The following SPA17 variants were observed in gnomAD, a reference collection of about 807,000 sequenced individuals.
SPA17 encodes the protein sperm autoantigenic protein 17, also known as sperm surface protein Sp17.
SPA17 carries 7 observed loss-of-function variants against 13.8 expected under a neutral mutation model. The ratio of observed to expected loss-of-function variants is 0.51; its 90% CI spans 0.29 to 0.95. The LOEUF (loss-of-function observed/expected upper bound fraction) is 0.95, where lower values mean the gene tolerates loss of function less well. SPA17 is among the 40% of genes least tolerant of loss of function. SPA17 has a pLI of 0.08. For synonymous variants in SPA17, 61 were observed against 59.0 expected, an observed-to-expected ratio of 1.03 and a Z score of -0.16; for missense variants, 170 against 179.3, an observed-to-expected ratio of 0.95 and a Z score of 0.30.
chr11:124,691,708 C>G lies in SPA17; in HGVS notation c.238C>G (p.Pro80Ala), dbSNP rs769846125. The change falls in exon 4 of 5, where the codon CCT becomes GCT. Residue 80 changes from proline (P) to alanine (A), a missense_variant. Physicochemically the swap from Pro to Ala is conservative, Grantham distance 27 (BLOSUM62 -1). Coordinates refer to ENST00000227135, the MANE Select transcript of SPA17 (RefSeq NM_017425.4). ...NNHAFEEQEPPEKSDPKQEES... is the reference protein window; with the variant it reads ...NNHAFEEQEPAEKSDPKQEES... The stretch of plus-strand genomic sequence containing the variant: ...CCTATCTGTCCAGGAGCAAGAACCA[C>G]CTGAGAAAAGTGATCCTAAACAAGA... The G allele has an allele frequency of 6.2e-7, 1 of 1,611,746 alleles. No homozygotes were observed. Among genetic ancestry groups the G allele is most frequent in the South Asian group, 1.1e-5 (1 of 90,734 alleles).
At chr11:124,677,623 A>G (rs1255463628) in intron 2 of SPA17, among the ~76,000 whole-genome samples, 1 of 152,208 alleles carries the variant, frequency 6.6e-6, no homozygotes, top group African/African-American at 2.4e-5. Flanking sequence ...TTCGGAAGCA[A>G]TTAGAGAAAA....
Position 124,681,430 on chromosome 11 carries a change from G to A in SPA17, c.196G>A (p.Asp66Asn), listed in dbSNP as rs139448076. 2.1e-5 allele frequency: 33 copies of A among 1,584,076 alleles called. No individual in the cohort carries two copies. In the African/African-American group the frequency reaches 3.9e-4, roughly 19 times the overall value. The change falls in exon 3 of 5, where the codon GAC becomes AAC. Residue 66 changes from aspartate (D) to asparagine (N), a missense_variant. By Grantham distance (23) the Asp-to-Asn change is conservative. Transcript: ENST00000227135. ...AGCAGAATGGGGGAGTAAGGTAGAA[G>A]ACCGCTTCTATAACAATCATGCATT... Reference protein sequence around the residue: ...DPAEWGSKVEDRFYNNHAFEE... With the variant: ...DPAEWGSKVENRFYNNHAFEE...
At chr11:124,676,605 T>C (rs1316407306) in intron 2 of SPA17, among the ~76,000 whole-genome samples, 2 of 152,260 alleles carry the variant, frequency 1.3e-5, no homozygotes, top group Non-Finnish European at 2.9e-5. Flanking sequence ...GTCTTTTCCA[T>C]ATCCGGTCAG....
chr11:124,685,094 A>T (rs766280809), intron 3 of SPA17, among the ~76,000 whole-genome samples: 4 of 152,266 alleles, frequency 2.6e-5, no homozygotes, highest in Non-Finnish European at 4.4e-5. Context: ...ACAATGGGGA[A>T]AATGTCTCCA....
chr11:124,691,752 G>C lies in SPA17; in HGVS notation c.282G>C (p.Gly94=), dbSNP rs772590909. ...AACAAGAAGAGTCTCAGATATCTGG[G>C]AAGGAGGAAGAGACATCAGTCACCA... ...DPKQEESQIS[G]KEEETSVTIL... Residue 94 remains glycine, a synonymous_variant, in exon 4 of 5, where the codon GGG becomes GGC. Transcript: ENST00000227135. The C allele has an allele frequency of 7.4e-6, 12 of 1,612,044 alleles. No individual in the cohort carries two copies. The highest frequency in any genetic ancestry group is 1.0e-5 in the Non-Finnish European group (12 of 1,179,148).
rs368169895 is a variant in SPA17 at position 124,696,165 on chromosome 11, C to T, written c.*1719C>T. ...ATCCCCCTTCCTCTCCTCCTTAACCCCTCTCCTCCAGGCTTACAGAGGAAA... is the reference window on the plus strand; with the variant it reads ...ATCCCCCTTCCTCTCCTCCTTAACCTCTCTCCTCCAGGCTTACAGAGGAAA... On this transcript the variant is annotated 3_prime_UTR_variant, in exon 5 of 5. Coordinates refer to ENST00000227135, the MANE Select transcript of SPA17 (RefSeq NM_017425.4). 4 of 152,264 alleles carry T rather than the reference C, an allele frequency of 2.6e-5. No homozygotes were observed. The highest frequency in any genetic ancestry group is 3.8e-4 in the East Asian group (2 of 5,196). The allele number at this position is 152,264 out of a possible 1,614,324, so 9.4% of individuals were successfully genotyped here. A position where few individuals can be genotyped will look rare whatever the true frequency, so the allele number is the denominator to read the frequency against.
Position 124,678,417 on chromosome 11 carries a change from C to T in SPA17, c.155-2972C>T, listed in dbSNP as rs1190140482. On this transcript the variant is annotated intron_variant, in intron 2 of 4. Transcript: ENST00000227135. The stretch of plus-strand genomic sequence containing the variant: ...ACTCCTGGGCTCAAGTGATGATCCT[C>T]CTGCCTCAGCCTCCCAAAGTGCTGG... 2.1e-4 allele frequency among the ~76,000 whole-genome samples: 32 copies of T among 151,946 alleles called. 1 individual carries two copies. Among genetic ancestry groups the T allele is most frequent in the Non-Finnish European group, 4.4e-5 (3 of 67,996 alleles).
intron 2 of SPA17, among the ~76,000 whole-genome samples, chr11:124,676,700 T>C (rs1943467711): frequency 1.3e-5 from 2 of 152,342 alleles, no homozygotes; most frequent in South Asian, 4.1e-4. Context: ...AGGAACGTTA[T>C]TAAGAGAAAT....
chr11:124,690,694 T>G (rs1023940025), intron 3 of SPA17, among the ~76,000 whole-genome samples: 4 of 152,170 alleles, frequency 2.6e-5, no homozygotes, highest in African/African-American at 9.7e-5. Context: ...TTTTAAGAGA[T>G]CACCAGAATA....
intron 3 of SPA17, among the ~76,000 whole-genome samples, chr11:124,685,985 T>A (rs1236542836): frequency 1.3e-5 from 2 of 152,060 alleles, no homozygotes; most frequent in Non-Finnish European, 2.9e-5. Context: ...GACTTTTGGG[T>A]TAATGCTGGA....
chr11:124,687,162 A>C (rs1215179815), intron 3 of SPA17, among the ~76,000 whole-genome samples: 1 of 152,122 alleles, frequency 6.6e-6, no homozygotes, highest in African/African-American at 2.4e-5. Flanking sequence ...ACAATTATAC[A>C]CTCACAAACT....
At chr11:124,692,128 C>T (rs1049891761) in intron 4 of SPA17, among the ~76,000 whole-genome samples, 1 of 152,176 alleles carries the variant, frequency 6.6e-6, no homozygotes, top group African/African-American at 2.4e-5. Context: ...GTGCTGTCAC[C>T]ACTACACAAT....
At chr11:124,692,319 G>A (rs956494877) in intron 4 of SPA17, among the ~76,000 whole-genome samples, 3 of 152,152 alleles carry the variant, frequency 2.0e-5, no homozygotes, top group Non-Finnish European at 4.4e-5. Context: ...GGTGGCTCAC[G>A]TCTGTAATCC....
At chr11:124,691,658 G>T in intron 3 of SPA17, 38 bp from the exon 4 acceptor site, 8 of 1,444,182 alleles carry the variant, frequency 5.5e-6, no homozygotes, top group Non-Finnish European at 7.6e-6. Flanking sequence ...TGCCATTTTG[G>T]AAACATTGCT....
chr11:124,692,953 T>C (rs1943637399), intron 4 of SPA17, among the ~76,000 whole-genome samples: 2 of 152,240 alleles, frequency 1.3e-5, no homozygotes, highest in Non-Finnish European at 2.9e-5. Context: ...GATGCATTGC[T>C]TTTCCCTATA....
chr11:124,691,681 C>T lies in SPA17; in HGVS notation c.226-15C>T. On this transcript the variant is annotated splice_polypyrimidine_tract_variant and intron_variant, in intron 3 of 4. Transcript: ENST00000227135. ...TGGAAACATTGCTAATTGTGGCTCTCTCCTATCTGTCCAGGAGCAAGAACC... is the reference window on the plus strand; with the variant it reads ...TGGAAACATTGCTAATTGTGGCTCTTTCCTATCTGTCCAGGAGCAAGAACC... 6.3e-7 allele frequency: 1 copy of T among 1,582,582 alleles called. No homozygotes were observed. Among genetic ancestry groups the T allele is most frequent in the Non-Finnish European group, 8.6e-7 (1 of 1,162,926 alleles).
At chr11:124,675,611 A>G (rs1591401664) in intron 2 of SPA17, 193 bp downstream of exon 2, 1 of 539,274 alleles carries the variant, frequency 1.9e-6, no homozygotes, top group South Asian at 2.5e-5. Context: ...ATATTATCGA[A>G]GATTACCAGT....
At chr11:124,683,925 A>G (rs565333749) in intron 3 of SPA17, among the ~76,000 whole-genome samples, 78 of 152,334 alleles carry the variant, frequency 5.1e-4, no homozygotes, top group African/African-American at 1.9e-3. Context: ...CAAATTATCT[A>G]AACAGAAAAT....
In SPA17 at chr11:124,696,744, T is replaced by A. The variant is rs1276004983; in HGVS notation, c.*2298T>A. The A allele has an allele frequency of 2.0e-5, 3 of 152,240 alleles. No homozygotes were observed. The highest frequency in any genetic ancestry group is 4.4e-5 in the Non-Finnish European group (3 of 68,052). 9.4% of individuals were successfully genotyped at this position (152,240 alleles called of 1,614,324 possible). A position where few individuals can be genotyped will look rare whatever the true frequency, so the allele number is the denominator to read the frequency against. Reference sequence around the variant, plus strand: ...CCATTTCTACACTCACTTGATTTCCTGCAGTTTCATAGCTTTAAAATCCAA... The same window carrying A: ...CCATTTCTACACTCACTTGATTTCCAGCAGTTTCATAGCTTTAAAATCCAA... On this transcript the variant is annotated 3_prime_UTR_variant, in exon 5 of 5. Coordinates refer to ENST00000227135, the MANE Select transcript of SPA17 (RefSeq NM_017425.4).
Sources: allele counts gnomAD v4.1 joint callset (sites outside exome capture counted in the v4.1 genomes callset), GRCh38; gene constraint gnomAD v4.1.1; transcripts MANE v1.5; gene names NCBI Gene and HGNC (gene_info 2026-07-23, HGNC 2026-07-21).